The following MAEL variants were observed in gnomAD, a reference collection of about 807,000 sequenced individuals.
MAEL encodes the protein protein maelstrom homolog.
A neutral mutation model predicts 62.0 loss-of-function variants in MAEL; 46 were observed. That is an observed-to-expected ratio of 0.74 (90% CI 0.59 to 0.95). The LOEUF (loss-of-function observed/expected upper bound fraction) is 0.95. Ranked by LOEUF, MAEL falls within the 40% of genes least tolerant of loss-of-function variation. The probability of loss-of-function intolerance (pLI) is 0.00; values close to 1 mark genes in which losing one functional copy is unlikely to be tolerated. For missense variants in MAEL, 497 were observed against 526.8 expected, an observed-to-expected ratio of 0.94 and a Z score of 0.55; for synonymous variants, 172 against 175.5, an observed-to-expected ratio of 0.98 and a Z score of 0.16.
intron 1 of MAEL, among the ~76,000 whole-genome samples, chr1:166,981,960 A>G (rs908060077): frequency 1.3e-5 from 2 of 152,200 alleles, no homozygotes; most frequent in Non-Finnish European, 2.9e-5. Flanking sequence ...ATTGATGGAG[A>G]CAGAGACAAC....
upstream of MAEL, among the ~76,000 whole-genome samples, chr1:166,985,198 T>C (rs2102060951): frequency 6.6e-6 from 1 of 152,156 alleles, no homozygotes; most frequent in African/African-American, 2.4e-5. Context: ...AGTATCACAA[T>C]GGGTTACCTA....
chr1:167,003,465 A>C (rs748265336), intron 5 of MAEL, among the ~76,000 whole-genome samples: 1 of 152,158 alleles, frequency 6.6e-6, no homozygotes, highest in Non-Finnish European at 1.5e-5. Flanking sequence ...TTTGAGACTT[A>C]TGATAATGTT....
chr1:167,000,743 A>G (rs1664626222), intron 5 of MAEL, among the ~76,000 whole-genome samples: 1 of 152,236 alleles, frequency 6.6e-6, no homozygotes, highest in African/African-American at 2.4e-5. Context: ...TTCAGCAACC[A>G]TGACCCTGAT....
At chr1:166,998,592 G>T (rs1052747212) in intron 5 of MAEL, among the ~76,000 whole-genome samples, 2 of 151,840 alleles carry the variant, frequency 1.3e-5, no homozygotes, top group Non-Finnish European at 2.9e-5. Flanking sequence ...CTAGTGTTTC[G>T]CCAGTGAGTA....
intron 1 of MAEL, among the ~76,000 whole-genome samples, chr1:166,981,454 G>A (rs1012344681): frequency 1.3e-5 from 2 of 152,030 alleles, no homozygotes; most frequent in Non-Finnish European, 2.9e-5. Context: ...AGCCCCTTAT[G>A]TCAAATAGCT....
chr1:166,983,895 G>A (rs943993237), intron 1 of MAEL, among the ~76,000 whole-genome samples: 6 of 151,660 alleles, frequency 4.0e-5, no homozygotes, highest in Non-Finnish European at 7.4e-5. Context: ...CCAGCTACTC[G>A]GGAGGCTGAG....
rs1240342723 is a variant in MAEL, at chr1:167,006,630, T to C, written c.845+1233T>C. On this transcript the variant is annotated intron_variant, in intron 8 of 11. Coordinates refer to ENST00000367872, the MANE Select transcript of MAEL (RefSeq NM_032858.3). ...ATATATATATATATATATATATATATATATATACATTTTTTTTTTTTTTGA... is the reference window on the plus strand; with the variant it reads ...ATATATATATATATATATATATATACATATATACATTTTTTTTTTTTTTGA... Among the ~76,000 whole-genome samples, 82 of 87,632 alleles carry C rather than the reference T, an allele frequency of 9.4e-4. 1 individual carries two copies. The highest frequency in any genetic ancestry group is 3.1e-3 in the African/African-American group (79 of 25,236). 57.5% of individuals were successfully genotyped at this position (87,632 alleles called of 152,430 possible).
rs771447734 is a variant in MAEL at position 167,018,095 on chromosome 1, G to A, written c.1041+136G>A. Reference sequence around the variant, plus strand: ...AAACATTATTTTGAAGTACTTCATGGAATGTCAAACAGTTCCTAATCCAGT... The same window carrying A: ...AAACATTATTTTGAAGTACTTCATGAAATGTCAAACAGTTCCTAATCCAGT... On this transcript the variant is annotated intron_variant, in intron 10 of 11. Transcript: ENST00000367872. 24 of 741,538 alleles carry A rather than the reference G, an allele frequency of 3.2e-5. 1 individual carries two copies. Among genetic ancestry groups the A allele is most frequent in the Non-Finnish European group, 4.9e-5 (24 of 489,372 alleles). 45.9% of individuals were successfully genotyped at this position (741,538 alleles called of 1,614,324 possible).
upstream of MAEL, among the ~76,000 whole-genome samples, chr1:166,988,430 C>T (rs1663999911): frequency 6.7e-6 from 1 of 149,960 alleles, no homozygotes; most frequent in Non-Finnish European, 1.5e-5. Flanking sequence ...AGCAAATTTT[C>T]AACTGCCATT....
intron 8 of MAEL, chr1:167,006,074 G>T (rs554575218): frequency 6.6e-6 from 1 of 152,364 alleles, no homozygotes; most frequent in African/African-American, 2.4e-5. Flanking sequence ...GGGTGCTGTA[G>T]GCTTTTACTG....
chr1:166,981,679 T>C (rs1017689332), intron 1 of MAEL, among the ~76,000 whole-genome samples: 1 of 152,102 alleles, frequency 6.6e-6, no homozygotes, highest in African/African-American at 2.4e-5. Flanking sequence ...CTGGACAGAA[T>C]TTCTAGGGGC....
At position 167,021,160 on chromosome 1, in the gene MAEL, G is replaced by A. The variant is rs761534016; in HGVS notation, c.1117G>A (p.Gly373Ser). 12 of 1,607,456 alleles carry A rather than the reference G, an allele frequency of 7.5e-6. No homozygotes were observed. Among genetic ancestry groups the A allele is most frequent in the Non-Finnish European group, 8.5e-7 (1 of 1,174,842 alleles). Residue 373 changes from glycine to serine, a missense_variant and splice_region_variant, in exon 11 of 12, where the codon GGT becomes AGT. Gly to Ser is a moderately conservative substitution (Grantham distance 56). Coordinates refer to ENST00000367872, the MANE Select transcript of MAEL (RefSeq NM_032858.3). The part of the protein sequence containing the change: ...NEEQRSNTPI[G>S]DYPSRAKISG... ...GGAACAAAGATCAAACACACCCATT[G>A]GTAAGCAACTTATATTTTACAAAAA...
At chr1:167,013,060 G>C (rs1442855190) in intron 8 of MAEL, among the ~76,000 whole-genome samples, 3 of 152,148 alleles carry the variant, frequency 2.0e-5, no homozygotes, top group Non-Finnish European at 4.4e-5. Flanking sequence ...CCAGGTTTCT[G>C]GTGTATACTA....
upstream of MAEL, among the ~76,000 whole-genome samples, chr1:166,985,755 G>A (rs1354289217): frequency 6.6e-6 from 1 of 152,092 alleles, no homozygotes; most frequent in East Asian, 1.9e-4. Context: ...AATTTACAAT[G>A]ACCAGCATCC....
At chr1:166,991,063 C>T (rs1383704210) in intron 2 of MAEL, among the ~76,000 whole-genome samples, 1 of 152,168 alleles carries the variant, frequency 6.6e-6, no homozygotes, top group Non-Finnish European at 1.5e-5. Flanking sequence ...TACTTTGGGG[C>T]ATAGTGTGCT....
chr1:167,003,338 A>C (rs1664755080), intron 5 of MAEL, among the ~76,000 whole-genome samples: 1 of 152,198 alleles, frequency 6.6e-6, no homozygotes, highest in Non-Finnish European at 1.5e-5. Context: ...CTGTCTATTC[A>C]AAATCTGGAG....
At chr1:167,006,925 TGCTCCCA>T (rs1442831121) in intron 8 of MAEL, among the ~76,000 whole-genome samples, 1 of 151,942 alleles carries the variant, frequency 6.6e-6, no homozygotes, top group Non-Finnish European at 1.5e-5. Flanking sequence ...CGTGAGCCAC[TGCTCCCA>T]GCTTTTTACC....
intron 1 of MAEL, among the ~76,000 whole-genome samples, chr1:166,982,341 C>T (rs1282885440): frequency 6.6e-6 from 1 of 152,140 alleles, no homozygotes. Context: ...AGTCACTTCA[C>T]CACTCTAAGC....
chr1:167,004,150 G>T, intron 5 of MAEL, 30 bp from the exon 6 acceptor site: 1 of 1,590,548 alleles, frequency 6.3e-7, no homozygotes, highest in Non-Finnish European at 8.6e-7. Flanking sequence ...CTTGCTCAAA[G>T]TTTGAACTTC....
Sources: gnomAD v4.1 joint callset for allele counts (sites outside exome capture counted in the v4.1 genomes callset) on GRCh38, gnomAD v4.1.1 for gene constraint, MANE v1.5 for transcripts, NCBI Gene and HGNC (gene_info 2026-07-23, HGNC 2026-07-21) for gene names.